MCM2: variants seen among roughly 807,000 people sequenced by gnomAD.
MCM2 encodes the protein DNA replication licensing factor MCM2.
A neutral mutation model predicts 86.4 loss-of-function variants in MCM2; 49 were observed. That is an observed-to-expected ratio of 0.57 (90% CI 0.45 to 0.72). The LOEUF (loss-of-function observed/expected upper bound fraction) is 0.72, where lower values mean the gene tolerates loss of function less well. Ranked by LOEUF, MCM2 falls within the 30% of genes least tolerant of loss-of-function variation. The probability of loss-of-function intolerance (pLI) is 0.00; values close to 1 mark genes in which losing one functional copy is unlikely to be tolerated. For synonymous variants in MCM2, 475 were observed against 484.6 expected, an observed-to-expected ratio of 0.98 and a Z score of 0.26; for missense variants, 1,038 against 1,259.9, an observed-to-expected ratio of 0.82 and a Z score of 2.67.
rs760274188 is a variant in MCM2, at chr3:127,617,149, A to T, written c.1773+31A>T. The T allele has an allele frequency of 8.7e-6, 14 of 1,608,358 alleles. No individual in the cohort carries two copies. Among genetic ancestry groups the T allele is most frequent in the Non-Finnish European group, 1.0e-5 (12 of 1,176,160 alleles). ...TCCCTGGGTCACGGAGGCTGGTGGA[A>T]CTCAGGGGGTGTGTGTGGGCTTGGG... On this transcript the variant is annotated intron_variant, in intron 10 of 15. Transcript: ENST00000265056. This position sits in a 1 kb window ranked among gnomAD's most constrained non-coding sequence, Gnocchi z 4.1.
chr3:127,616,906 T>C lies in MCM2; in HGVS notation c.1561T>C (p.Leu521=), dbSNP rs776896275. 1.9e-6 allele frequency: 3 copies of C among 1,614,190 alleles called. No individual in the cohort carries two copies. In the South Asian group the frequency reaches 3.3e-5, roughly 18 times the overall value. Residue 521 remains leucine, a synonymous_variant, in exon 10 of 16, where the codon TTG becomes CTG. Coordinates refer to ENST00000265056, the MANE Select transcript of MCM2 (RefSeq NM_004526.4). Reference sequence around the variant, plus strand: ...GGTACGTGGTGATATCAACGTGCTCTTGTGCGGAGACCCTGGCACAGCGAA... The same window carrying C: ...GGTACGTGGTGATATCAACGTGCTCCTGTGCGGAGACCCTGGCACAGCGAA... ...HKVRGDINVL[L]CGDPGTAKSQ... is the part of the protein sequence containing the mutation.
chr3:127,615,843 G>T lies in MCM2; in HGVS notation c.1429-19G>T. On this transcript the variant is annotated intron_variant, in intron 8 of 15. Transcript: ENST00000265056. ...TGAGTATCTGTTCCCATTCTTGTCGGTCTCCCTCCCTTTCTCAGATCTTTG... is the reference window on the plus strand; with the variant it reads ...TGAGTATCTGTTCCCATTCTTGTCGTTCTCCCTCCCTTTCTCAGATCTTTG... 1.3e-6 allele frequency: 2 copies of T among 1,583,932 alleles called. No individual in the cohort carries two copies. Among genetic ancestry groups the T allele is most frequent in the Non-Finnish European group, 8.7e-7 (1 of 1,152,862 alleles).
chr3:127,619,388 G>A, intron 13 of MCM2, 110 bp downstream of exon 13: 1 of 1,383,956 alleles, frequency 7.2e-7, no homozygotes, highest in African/African-American at 1.4e-5. Flanking sequence ...AGGTGCCAGA[G>A]CAGGGAGGCA....
In MCM2 at chr3:127,618,038, T is replaced by C. The variant is rs764263215; in HGVS notation, c.1970T>C (p.Phe657Ser). Residue 657 changes from phenylalanine to serine, a missense_variant, in exon 12 of 16, where the codon TTT becomes TCT. This residue lies in a region of MCM2 where 336 missense variants were observed against 425.7 expected (regional missense o/e 0.79). Transcript: ENST00000265056. The surrounding 1 kb of genome is among the most constrained non-coding windows in gnomAD (Gnocchi z 4.0). ...VDLTEPIISR[F>S]DILCVVRDTV... Reference sequence around the variant, plus strand: ...CTCACAGAGCCCATCATCTCACGCTTTGACATCCTGTGTGTGGTGAGGGAC... The same window carrying C: ...CTCACAGAGCCCATCATCTCACGCTCTGACATCCTGTGTGTGGTGAGGGAC... 6.2e-7 allele frequency: 1 copy of C among 1,614,094 alleles called. No homozygotes were observed. The highest frequency in any genetic ancestry group is 1.1e-5 in the South Asian group (1 of 91,070).
At position 127,599,363 on chromosome 3, in the gene MCM2, C is replaced by T. The variant is rs775610133; in HGVS notation, c.52C>T (p.Arg18Trp). ...CATGGCATCCAGCCCGGCCCAGCGT[C>T]GGCGAGGCAATGATCCTCTCACCTC... Reference protein sequence around the residue: ...FTMASSPAQRRRGNDPLTSSP... With the variant: ...FTMASSPAQRWRGNDPLTSSP... The change falls in exon 2 of 16, where the codon CGG becomes TGG. Residue 18 changes from arginine (R) to tryptophan (W), a missense_variant. By Grantham distance (101) the Arg-to-Trp change is moderately radical. This residue lies in a region of MCM2 where 300 missense variants were observed against 307.4 expected (regional missense o/e 0.98). Coordinates refer to ENST00000265056, the MANE Select transcript of MCM2 (RefSeq NM_004526.4). 33 of 1,614,008 alleles carry T rather than the reference C, an allele frequency of 2.0e-5. No homozygotes were observed. The highest frequency in any genetic ancestry group is 1.2e-4 in the Admixed American group (7 of 60,000).
At position 127,604,962 on chromosome 3, in the gene MCM2, A is replaced by G. The variant is rs747807511; in HGVS notation, c.479A>G (p.Asp160Gly). 4.4e-6 allele frequency: 7 copies of G among 1,606,554 alleles called. No individual in the cohort carries two copies. The South Asian group carries it at 7.7e-5, about 18-fold the overall frequency. Reference protein sequence around the residue: ...KRRQVERATEDGEEDEEMIES... With the variant: ...KRRQVERATEGGEEDEEMIES... The stretch of plus-strand genomic sequence containing the variant: ...CGCCAGGTGGAGCGGGCCACGGAGG[A>G]CGGCGAGGAGGACGAGGAGATGATC... Residue 160 changes from aspartate (D) to glycine (G), a missense_variant, in exon 4 of 16, where the codon GAC (aspartate) becomes GGC (glycine). Asp to Gly is a moderately conservative substitution (Grantham distance 94). This residue lies in a region of MCM2 where 300 missense variants were observed against 307.4 expected (regional missense o/e 0.98). Coordinates refer to ENST00000265056, the MANE Select transcript of MCM2 (RefSeq NM_004526.4).
In MCM2 at chr3:127,606,575, G is replaced by C. The variant is rs1219806614; in HGVS notation, c.894-35G>C. 6.3e-7 allele frequency: 1 copy of C among 1,593,716 alleles called. No individual in the cohort carries two copies. Among genetic ancestry groups the C allele is most frequent in the South Asian group, 1.1e-5 (1 of 90,636 alleles). On this transcript the variant is annotated intron_variant, in intron 5 of 15. Coordinates refer to ENST00000265056, the MANE Select transcript of MCM2 (RefSeq NM_004526.4). The surrounding 1 kb of genome is among the most constrained non-coding windows in gnomAD (Gnocchi z 4.2). ...TCGTCTGCAGCCTGGCCTCACCCTG[G>C]CTCACGGCTTCTGATGCACCCTCTG...
Position 127,617,520 on chromosome 3 carries a change from C to G in MCM2, c.1900+115C>G. ...CCGATCTGAGGAAGTCATTGTGCAG[C>G]AGAGGGTTCCCCTCTTCTGCATATC... On this transcript the variant is annotated intron_variant, in intron 11 of 15. Transcript: ENST00000265056. The surrounding 1 kb of genome is among the most constrained non-coding windows in gnomAD (Gnocchi z 4.1). The G allele has an allele frequency of 7.6e-7, 1 of 1,308,436 alleles. No homozygotes were observed. Among genetic ancestry groups the G allele is most frequent in the South Asian group, 1.5e-5 (1 of 67,272 alleles). 81.1% of individuals were successfully genotyped at this position (1,308,436 alleles called of 1,614,324 possible).
In MCM2 at chr3:127,620,801, A is replaced by G; in HGVS notation, c.2369A>G (p.Asp790Gly). The change falls in exon 14 of 16, where the codon GAC (aspartate) becomes GGC (glycine). Residue 790 changes from aspartate (D) to glycine (G), a missense_variant. Coordinates refer to ENST00000265056, the MANE Select transcript of MCM2 (RefSeq NM_004526.4). The part of the protein sequence containing the change: ...IHLRDYVIED[D>G]VNMAIRVMLE... ...CTGCGGGACTATGTGATCGAAGACG[A>G]CGTCAACATGGCCATCCGCGTGATG... is the stretch of plus-strand genomic sequence containing the variant. 6.2e-7 allele frequency: 1 copy of G among 1,614,132 alleles called. No homozygotes were observed. Among genetic ancestry groups the G allele is most frequent in the Non-Finnish European group, 8.5e-7 (1 of 1,179,968 alleles).
At position 127,617,671 on chromosome 3, in the gene MCM2, AG is replaced by A; in HGVS notation, c.1900+268del. 1.7e-6 allele frequency: 1 copy of A among 595,226 alleles called. No individual in the cohort carries two copies. Among genetic ancestry groups the A allele is most frequent in the South Asian group, 2.0e-5 (1 of 49,338 alleles). The allele number at this position is 595,226 out of a possible 1,614,324, so 36.9% of individuals were successfully genotyped here. A position where few individuals can be genotyped will look rare whatever the true frequency, so the allele number is the denominator to read the frequency against. ...AGGAGAGCCCAGTGCCCCTCTGGCC[AG>A]GATGGAGTTGGCTGTTGGTCTCAGC... On this transcript the variant is annotated intron_variant, in intron 11 of 15. Transcript: ENST00000265056. This position sits in a 1 kb window ranked among gnomAD's most constrained non-coding sequence, Gnocchi z 4.1.
chr3:127,615,748 G>A, intron 8 of MCM2, 114 bp from the exon 9 acceptor site: 5 of 741,846 alleles, frequency 6.7e-6, no homozygotes, highest in Non-Finnish European at 1.2e-5. Context: ...CAGCAGCTGT[G>A]GAAGTGGGTG....
chr3:127,621,642 C>G, intron 15 of MCM2, 21 bp from the exon 16 acceptor site: 1 of 1,532,186 alleles, frequency 6.5e-7, no homozygotes, highest in Non-Finnish European at 9.0e-7. Context: ...TGATGGCTCA[C>G]TGGACACTTC....
rs1576413722 is a variant in MCM2, at chr3:127,606,241, T to G, written c.797T>G (p.Val266Gly). The G allele has an allele frequency of 6.2e-7, 1 of 1,614,086 alleles. No individual in the cohort carries two copies. Among genetic ancestry groups the G allele is most frequent in the South Asian group, 1.1e-5 (1 of 91,084 alleles). The change falls in exon 5 of 16, where the codon GTG (valine) becomes GGG (glycine). Residue 266 changes from valine to glycine, a missense_variant. By Grantham distance (109) the Val-to-Gly change is moderately radical. Coordinates refer to ENST00000265056, the MANE Select transcript of MCM2 (RefSeq NM_004526.4). The surrounding 1 kb of genome is among the most constrained non-coding windows in gnomAD (Gnocchi z 4.2). Reference protein sequence around the residue: ...LQIFDEAALEVVLAMYPKYDR... With the variant: ...LQIFDEAALEGVLAMYPKYDR... ...ATCTTTGATGAGGCTGCCCTGGAGG[T>G]GGTACTGGCCATGTACCCCAAGTAC...
chr3:127,611,700 T>A (rs9869806), intron 8 of MCM2, among the ~76,000 whole-genome samples: 1 of 118,228 alleles, frequency 8.5e-6, no homozygotes, highest in African/African-American at 3.7e-5. Context: ...TTTTTTTTTT[T>A]TTTTTTTTTT....
intron 8 of MCM2, among the ~76,000 whole-genome samples, chr3:127,614,164 A>C (rs1428781095): frequency 2.0e-5 from 3 of 152,224 alleles, no homozygotes; most frequent in African/African-American, 7.2e-5. Flanking sequence ...GAGTGTTCTT[A>C]ATACACCACC....
At chr3:127,609,680 T>C (rs891727515) in intron 8 of MCM2, among the ~76,000 whole-genome samples, 2 of 151,938 alleles carry the variant, frequency 1.3e-5, no homozygotes, top group Non-Finnish European at 2.9e-5. Flanking sequence ...GTTGCAGAAA[T>C]ACGGATTACT....
intron 13 of MCM2, among the ~76,000 whole-genome samples, 186 bp downstream of exon 13, chr3:127,619,464 C>T (rs527276018): frequency 1.3e-5 from 2 of 152,084 alleles, no homozygotes; most frequent in South Asian, 2.1e-4. Flanking sequence ...TTTGGGAGGC[C>T]GAGGCAGGAG....
At chr3:127,600,753 C>A (rs1204086919) in intron 2 of MCM2, among the ~76,000 whole-genome samples, 1 of 151,826 alleles carries the variant, frequency 6.6e-6, no homozygotes, top group Non-Finnish European at 1.5e-5. Context: ...GTTTCCCCTC[C>A]CTGTCTTGAC....
chr3:127,617,891 C>A lies in MCM2; in HGVS notation c.1901-78C>A. 1.9e-6 allele frequency: 2 copies of A among 1,066,076 alleles called. No individual in the cohort carries two copies. Among genetic ancestry groups the A allele is most frequent in the Non-Finnish European group, 2.8e-6 (2 of 707,154 alleles). The allele number at this position is 1,066,076 out of a possible 1,614,324, so 66.0% of individuals were successfully genotyped here. A position where few individuals can be genotyped will look rare whatever the true frequency, so the allele number is the denominator to read the frequency against. The stretch of plus-strand genomic sequence containing the variant: ...CTTCCACTGCCCTCATCCCCTTCTG[C>A]CATCAGAGCAGCCTGGGGTCCCTGA... On this transcript the variant is annotated intron_variant, in intron 11 of 15. Transcript: ENST00000265056. This position sits in a 1 kb window ranked among gnomAD's most constrained non-coding sequence, Gnocchi z 4.1.
Sources: gnomAD v4.1 joint callset for allele counts (sites outside exome capture counted in the v4.1 genomes callset) on GRCh38, gnomAD v4.1.1 for gene constraint, gnomAD v4.1.1 regional missense constraint, Gnocchi (gnomAD v3.1) non-coding constraint, MANE v1.5 for transcripts, NCBI Gene and HGNC (gene_info 2026-07-23, HGNC 2026-07-21) for gene names.